Variants in HMCN2 observed in about 807,000 individuals in gnomAD.
The protein encoded by HMCN2 is hemicentin-2.
A neutral mutation model predicts 377.5 loss-of-function variants in HMCN2; 325 were observed. That is an observed-to-expected ratio of 0.86 (90% CI 0.79 to 0.94). HMCN2 has a LOEUF of 0.94. HMCN2 is among the 40% of genes least tolerant of loss of function. The probability of loss-of-function intolerance (pLI) is 0.00; values close to 1 mark genes in which losing one functional copy is unlikely to be tolerated. For synonymous variants in HMCN2, 2,007 were observed against 2,046.8 expected (o/e 0.98, Z 0.53); for missense variants, 4,543 against 4,725.3 (o/e 0.96, Z 1.13).
chr9:130,318,308 G>T (rs1837674296), intron 15 of HMCN2, among the ~76,000 whole-genome samples: 1 of 151,976 alleles, frequency 6.6e-6, no homozygotes, highest in Non-Finnish European at 1.5e-5. Flanking sequence ...AGAACAAAGA[G>T]GTAGAGGCTT....
chr9:130,287,403 G>C (rs1835473518), intron 4 of HMCN2, among the ~76,000 whole-genome samples: 1 of 151,742 alleles, frequency 6.6e-6, no homozygotes, highest in Non-Finnish European at 1.5e-5. Flanking sequence ...TCCTAGTCTT[G>C]GCTTAAGCGC....
At chr9:130,373,511 C>T (rs1339578634) in intron 48 of HMCN2, among the ~76,000 whole-genome samples, 1 of 150,694 alleles carries the variant, frequency 6.6e-6, no homozygotes, top group Non-Finnish European at 1.5e-5. Flanking sequence ...TGCCTTGTCA[C>T]CATGGTTTCC....
In HMCN2 at chr9:130,428,324, GT is replaced by G; in HGVS notation, c.14066-32del. On this transcript the variant is annotated intron_variant, in intron 92 of 97. Coordinates refer to ENST00000683500, the MANE Select transcript of HMCN2 (RefSeq NM_001291815.2). The surrounding 1 kb of genome is among the most constrained non-coding windows in gnomAD (Gnocchi z 5.0). ...GTGGCGAGGCACGCCTGGGGATCAT[GT>G]TCACACAGCCGTCTGCCCTGATCTG... 6.6e-7 allele frequency: 1 copy of G among 1,504,704 alleles called. No individual in the cohort carries two copies. Among genetic ancestry groups the G allele is most frequent in the Non-Finnish European group, 8.9e-7 (1 of 1,120,232 alleles). The allele number at this position is 1,504,704 out of a possible 1,614,324, so 93.2% of individuals were successfully genotyped here.
In HMCN2 at chr9:130,317,021, C is replaced by T. The variant is rs1837596423; in HGVS notation, c.2351-2474C>T. Among the ~76,000 whole-genome samples the T allele has an allele frequency of 2.0e-5, 3 of 151,988 alleles. No individual in the cohort carries two copies. The South Asian group carries it at 6.2e-4, about 32-fold the overall frequency. On this transcript the variant is annotated intron_variant, in intron 15 of 97. Transcript: ENST00000683500. ...ATGGCTGCACAGACCCATGGAGTCA[C>T]AGTTGTCTGCGTGGGTCCAGGGCAC... is the stretch of plus-strand genomic sequence containing the variant.
At chr9:130,363,420 C>G (rs1402606597) in intron 40 of HMCN2, among the ~76,000 whole-genome samples, 1 of 152,154 alleles carries the variant, frequency 6.6e-6, no homozygotes, top group African/African-American at 2.4e-5. Flanking sequence ...TCAAAGGTCA[C>G]CATGGGGACT....
At chr9:130,281,711 T>C (rs1835133673) in intron 1 of HMCN2, among the ~76,000 whole-genome samples, 1 of 151,778 alleles carries the variant, frequency 6.6e-6, no homozygotes, top group Admixed American at 6.6e-5. Flanking sequence ...CTGGCCAACA[T>C]GGCAAAACCC....
intron 95 of HMCN2, chr9:130,431,070 C>T (rs936328188): frequency 7.8e-6 from 4 of 509,878 alleles, no homozygotes; most frequent in African/African-American, 5.7e-5. Context: ...GAGGAGGTGG[C>T]CTGCCCCAGG....
rs745863744 is a variant in HMCN2, at chr9:130,422,722, C to T, written c.13377C>T (p.Asn4459=). Residue 4459 remains asparagine, a synonymous_variant, in exon 87 of 98, where the codon AAC becomes AAT. Coordinates refer to ENST00000683500, the MANE Select transcript of HMCN2 (RefSeq NM_001291815.2). The surrounding 1 kb of genome is among the most constrained non-coding windows in gnomAD (Gnocchi z 4.2). Reference sequence around the variant, plus strand: ...GCAGCATCCGCCATGTCCCAGCAAACGTGGGTGAGTGGAAGGCAGAGCATC... The same window carrying T: ...GCAGCATCCGCCATGTCCCAGCAAATGTGGGTGAGTGGAAGGCAGAGCATC... ...IHSSIRHVPA[N]VGPLMRVLVV... 5.5e-5 allele frequency: 71 copies of T among 1,279,758 alleles called. No homozygotes were observed. The highest frequency in any genetic ancestry group is 2.0e-4 in the Middle Eastern group (1 of 4,942). The allele number at this position is 1,279,758 out of a possible 1,614,324, so 79.3% of individuals were successfully genotyped here.
At chr9:130,336,069 C>G (rs1214143502) in intron 22 of HMCN2, among the ~76,000 whole-genome samples, 2 of 151,880 alleles carry the variant, frequency 1.3e-5, no homozygotes, top group Admixed American at 1.3e-4. Flanking sequence ...GAGACCTGCT[C>G]CGGTGCATGT....
intron 82 of HMCN2, 144 bp downstream of exon 82, chr9:130,406,312 T>A: frequency 1.6e-6 from 1 of 608,316 alleles, no homozygotes; most frequent in Non-Finnish European, 2.6e-6. Flanking sequence ...AACGTGGCCC[T>A]ATGTAGGGGG....
intron 22 of HMCN2, among the ~76,000 whole-genome samples, chr9:130,331,256 C>T (rs1301995687): frequency 1.3e-5 from 2 of 152,034 alleles, no homozygotes; most frequent in African/African-American, 2.4e-5. Context: ...TGCCAGCTCT[C>T]GCGGTCATAA....
rs772687697 is a variant in HMCN2, at chr9:130,353,094, G to A, written c.4753G>A (p.Gly1585Ser). Residue 1585 changes from glycine to serine, a missense_variant, in exon 31 of 98, where the codon GGT (glycine) becomes AGT (serine). Gly to Ser is a moderately conservative substitution (Grantham distance 56, BLOSUM62 0). Coordinates refer to ENST00000683500, the MANE Select transcript of HMCN2 (RefSeq NM_001291815.2). Reference protein sequence around the residue: ...TSTKVVYTRGGRQLQLGRAQS... With the variant: ...TSTKVVYTRGSRQLQLGRAQS... The stretch of plus-strand genomic sequence containing the variant: ...CACCAAGGTGGTCTACACTAGGGGC[G>A]GTCGGCAGTTGCAGCTGGGGAGGGC... 79 of 1,304,232 alleles carry A rather than the reference G, an allele frequency of 6.1e-5. No individual in the cohort carries two copies. In the South Asian group the frequency reaches 7.9e-4, roughly 13 times the overall value. The allele number at this position is 1,304,232 out of a possible 1,614,324, so 80.8% of individuals were successfully genotyped here.
At chr9:130,306,044 A>G (rs1836832820) in intron 11 of HMCN2, 85 bp from the exon 12 acceptor site, 2 of 441,960 alleles carry the variant, frequency 4.5e-6, no homozygotes, top group Non-Finnish European at 9.6e-6. Context: ...TGACTATGGG[A>G]GGGGAAGAGC....
In HMCN2 at chr9:130,307,303, G is replaced by A. The variant is rs1260624832; in HGVS notation, c.2087-150G>A. 5 of 418,640 alleles carry A rather than the reference G, an allele frequency of 1.2e-5. 1 individual carries two copies. Among genetic ancestry groups the A allele is most frequent in the East Asian group, 1.4e-4 (2 of 13,992 alleles). 25.9% of individuals were successfully genotyped at this position (418,640 alleles called of 1,614,324 possible). A position where few individuals can be genotyped will look rare whatever the true frequency, so the allele number is the denominator to read the frequency against. Reference sequence around the variant, plus strand: ...ACAGGGTCATAGGTGGAGGGACCGGGAGGGGGCATTGAACCTGGGGTGCTC... The same window carrying A: ...ACAGGGTCATAGGTGGAGGGACCGGAAGGGGGCATTGAACCTGGGGTGCTC... On this transcript the variant is annotated intron_variant, in intron 13 of 97. Transcript: ENST00000683500.
In HMCN2 at chr9:130,408,766, G is replaced by T. The variant is rs766288149; in HGVS notation, c.12712G>T (p.Ala4238Ser). The T allele has an allele frequency of 2.0e-5, 26 of 1,289,192 alleles. No homozygotes were observed. The South Asian group carries it at 2.3e-4, about 12-fold the overall frequency. The allele number at this position is 1,289,192 out of a possible 1,614,324, so 79.9% of individuals were successfully genotyped here. The change falls in exon 84 of 98, where the codon GCT becomes TCT. Residue 4238 changes from alanine to serine, a missense_variant. By Grantham distance (99) the Ala-to-Ser change is moderately conservative. Transcript: ENST00000683500. ...VKEAPVLQGE[A>S]FSYLVEPVGG... ...AGAGGCTCCTGTCCTACAAGGGGAG[G>T]CTTTCTCCTACCTGGTGGAACCTGT...
rs1161846655 is a variant in HMCN2, at chr9:130,286,181, C to A, written c.490-7C>A. Reference sequence around the variant, plus strand: ...AGTCGAGAGCAGGCTGCACGTCCATCTTCCAGGTGGTCTTTGTGCTGACGG... The same window carrying A: ...AGTCGAGAGCAGGCTGCACGTCCATATTCCAGGTGGTCTTTGTGCTGACGG... On this transcript the variant is annotated splice_region_variant and splice_polypyrimidine_tract_variant and intron_variant, in intron 3 of 97. Coordinates refer to ENST00000683500, the MANE Select transcript of HMCN2 (RefSeq NM_001291815.2). 8.5e-6 allele frequency: 4 copies of A among 470,624 alleles called. No individual in the cohort carries two copies. The highest frequency in any genetic ancestry group is 1.8e-5 in the Non-Finnish European group (4 of 226,984). The allele number at this position is 470,624 out of a possible 1,614,324, so 29.2% of individuals were successfully genotyped here. A position where few individuals can be genotyped will look rare whatever the true frequency, so the allele number is the denominator to read the frequency against.
At chr9:130,385,827 G>A (rs545090670) in intron 60 of HMCN2, 65 bp downstream of exon 60, 4 of 1,122,494 alleles carry the variant, frequency 3.6e-6, no homozygotes, top group South Asian at 1.3e-5. Flanking sequence ...CAGCCCTGGC[G>A]AGCTGCGGGG....
intron 11 of HMCN2, among the ~76,000 whole-genome samples, chr9:130,305,298 TTCCCCAC>T (rs1554936305): frequency 6.6e-6 from 1 of 152,156 alleles, no homozygotes; most frequent in South Asian, 2.1e-4. Context: ...CCCTCCATTG[TTCCCCAC>T]TCCCCACTGC....
chr9:130,432,928 GC>G, intron 97 of HMCN2: 1 of 360,912 alleles, frequency 2.8e-6, no homozygotes, highest in Non-Finnish European at 5.0e-6. Context: ...CGGGTGACCT[GC>G]CCCAGGCCTT....
Sources: allele counts gnomAD v4.1 joint callset (sites outside exome capture counted in the v4.1 genomes callset), GRCh38; gene constraint gnomAD v4.1.1; non-coding constraint Gnocchi (gnomAD v3.1); transcripts MANE v1.5; gene names NCBI Gene and HGNC (gene_info 2026-07-23, HGNC 2026-07-21).